Variants in NIPBL observed in about 807,000 individuals in gnomAD.
NIPBL encodes nipped-B-like protein.
In NIPBL, 19 loss-of-function variants were observed where a neutral mutation model predicts 321.8. That is an observed-to-expected ratio of 0.06 (90% confidence interval 0.04 to 0.09). The LOEUF (loss-of-function observed/expected upper bound fraction) is 0.09, where lower values mean the gene tolerates loss of function less well. NIPBL is among the 10% of genes least tolerant of loss of function. The pLI is 1.00. For missense variants in NIPBL, 2,210 were observed against 3,327.0 expected (o/e 0.66, Z 8.26); for synonymous variants, 1,106 against 1,114.1 (o/e 0.99, Z 0.14).
chr5:36,941,961 CATGT>C (rs1274626206), intron 1 of NIPBL, among the ~76,000 whole-genome samples: 1 of 151,976 alleles, frequency 6.6e-6, no homozygotes, highest in African/African-American at 2.4e-5. Flanking sequence ...GTATACTTGT[CATGT>C]AGTGCAGGGG....
chr5:36,985,284 A>G lies in NIPBL; in HGVS notation c.2104A>G (p.Thr702Ala), dbSNP rs1298170068. 1.2e-6 allele frequency: 2 copies of G among 1,613,692 alleles called. No individual in the cohort carries two copies. Among genetic ancestry groups the G allele is most frequent in the South Asian group, 2.2e-5 (2 of 91,068 alleles). Reference protein sequence around the residue: ...RSETTKSRPETPKQKGESRPE... With the variant: ...RSETTKSRPEAPKQKGESRPE... Reference sequence around the variant, plus strand: ...AGAAACAACAAAATCAAGGCCTGAAACCCCAAAGCAAAAGGGTGAAAGCCG... The same window carrying G: ...AGAAACAACAAAATCAAGGCCTGAAGCCCCAAAGCAAAAGGGTGAAAGCCG... The change falls in exon 10 of 47, where the codon ACC becomes GCC. Residue 702 changes from threonine to alanine, a missense_variant. Physicochemically the swap from Thr to Ala is moderately conservative, Grantham distance 58. Around this residue, in one of 14 missense-constraint regions of NIPBL, gnomAD observed 588 missense variants for 564.1 expected, o/e 1.04. Coordinates refer to ENST00000282516, the MANE Select transcript of NIPBL (RefSeq NM_133433.4).
rs1381059431 is a variant in NIPBL, at chr5:36,985,431, A to C, written c.2251A>C (p.Asn751His). ...ESRPETPKQK[N>H]EGRPETPKHR... ...CCGCCCTGAAACTCCAAAGCAAAAA[A>C]ATGAAGGGCGACCTGAAACACCAAA... The change falls in exon 10 of 47, where the codon AAT becomes CAT. Residue 751 changes from asparagine (N) to histidine (H), a missense_variant. By Grantham distance (68) the Asn-to-His change is moderately conservative (BLOSUM62 1). This residue lies in a region of NIPBL where 588 missense variants were observed against 564.1 expected (regional missense o/e 1.04). Transcript: ENST00000282516. 1 of 1,613,712 alleles carries C rather than the reference A, an allele frequency of 6.2e-7. No homozygotes were observed. The highest frequency in any genetic ancestry group is 1.3e-5 in the African/African-American group (1 of 75,002).
intron 1 of NIPBL, among the ~76,000 whole-genome samples, chr5:36,945,064 A>G (rs1027485095): frequency 6.6e-6 from 1 of 152,210 alleles, no homozygotes; most frequent in African/African-American, 2.4e-5. Context: ...CTTTTGCAAT[A>G]TAAAAGAAGA....
chr5:37,032,979 T>A (rs1183703484), intron 32 of NIPBL, among the ~76,000 whole-genome samples: 2 of 152,210 alleles, frequency 1.3e-5, no homozygotes, highest in African/African-American at 4.8e-5. Context: ...TTTAAAAAAA[T>A]TTTATGCACC....
At position 36,996,880 on chromosome 5, in the gene NIPBL, T is replaced by G. The variant is rs1746182642; in HGVS notation, c.3304+1076T>G. Reference sequence around the variant, plus strand: ...TGGAAGCCCTTCACCTCCTCCAAAGTTTTTAATGTTAATTTACTGATTTTT... The same window carrying G: ...TGGAAGCCCTTCACCTCCTCCAAAGGTTTTAATGTTAATTTACTGATTTTT... On this transcript the variant is annotated intron_variant, in intron 11 of 46. Coordinates refer to ENST00000282516, the MANE Select transcript of NIPBL (RefSeq NM_133433.4). The surrounding 1 kb of genome is among the most constrained non-coding windows in gnomAD (Gnocchi z 5.0). 1 of 161,982 alleles carries G rather than the reference T, an allele frequency of 6.2e-6. No individual in the cohort carries two copies. The highest frequency in any genetic ancestry group is 2.4e-5 in the African/African-American group (1 of 41,482). 10.0% of individuals were successfully genotyped at this position (161,982 alleles called of 1,614,324 possible). A position where few individuals can be genotyped will look rare whatever the true frequency, so the allele number is the denominator to read the frequency against.
chr5:36,919,369 C>T (rs1326714093), intron 1 of NIPBL, among the ~76,000 whole-genome samples: 1 of 145,922 alleles, frequency 6.9e-6, no homozygotes, highest in Non-Finnish European at 1.5e-5. Context: ...TCCTACCTCT[C>T]TTTTTTTTTT....
intron 6 of NIPBL, among the ~76,000 whole-genome samples, chr5:36,966,185 C>G (rs975996946): frequency 2.6e-5 from 4 of 152,030 alleles, no homozygotes; most frequent in African/African-American, 9.7e-5. Context: ...TCACACATTG[C>G]ATTTGATTTT....
At chr5:36,882,689 G>A (rs547586336) in intron 1 of NIPBL, among the ~76,000 whole-genome samples, 1 of 152,032 alleles carries the variant, frequency 6.6e-6, no homozygotes, top group South Asian at 2.1e-4. Flanking sequence ...CAGCTAAAAT[G>A]TATCTAATTC....
chr5:36,938,239 G>C (rs1242368198), intron 1 of NIPBL, among the ~76,000 whole-genome samples: 1 of 152,054 alleles, frequency 6.6e-6, no homozygotes, highest in Non-Finnish European at 1.5e-5. Context: ...AGGGTTGAGA[G>C]ACTGTAGTTT....
intron 42 of NIPBL, 141 bp from the exon 43 acceptor site, chr5:37,057,045 C>T (rs904061606): frequency 2.6e-6 from 2 of 768,968 alleles, no homozygotes; most frequent in East Asian, 5.4e-5. Flanking sequence ...GTGTCTCTCC[C>T]CACTCTCTCC....
intron 1 of NIPBL, among the ~76,000 whole-genome samples, chr5:36,888,930 T>C (rs1040484105): frequency 1.3e-5 from 2 of 152,158 alleles, no homozygotes; most frequent in Non-Finnish European, 2.9e-5. Context: ...TTTGCTCTAG[T>C]GCCAAGTACC....
At chr5:37,033,742 T>A (rs1265212258) in intron 32 of NIPBL, among the ~76,000 whole-genome samples, 16 of 129,532 alleles carry the variant, frequency 1.2e-4, no homozygotes, top group African/African-American at 4.9e-4. Flanking sequence ...TTTTTTTTTT[T>A]TTTTTTTTAA....
rs111562836 is a variant in NIPBL, at chr5:37,034,580, T to G, written c.5863-1799T>G. Among the ~76,000 whole-genome samples the G allele has an allele frequency of 2.6e-4, 40 of 152,280 alleles. 1 individual carries two copies. Among genetic ancestry groups the G allele is most frequent in the African/African-American group, 9.6e-4 (40 of 41,552 alleles). Reference sequence around the variant, plus strand: ...CAGCTGTATGCAGTAACCTAGATCATAGTGGCATAATGATGAGTGAAAAAA... The same window carrying G: ...CAGCTGTATGCAGTAACCTAGATCAGAGTGGCATAATGATGAGTGAAAAAA... On this transcript the variant is annotated intron_variant, in intron 32 of 46. Coordinates refer to ENST00000282516, the MANE Select transcript of NIPBL (RefSeq NM_133433.4).
intron 1 of NIPBL, among the ~76,000 whole-genome samples, chr5:36,892,827 T>C (rs1264314133): frequency 1.3e-5 from 2 of 152,002 alleles, no homozygotes; most frequent in African/African-American, 2.4e-5. Context: ...TTAGGAGATA[T>C]ACCTAATGCT....
At chr5:36,983,268 G>C (rs186914745) in intron 9 of NIPBL, among the ~76,000 whole-genome samples, 1 of 151,954 alleles carries the variant, frequency 6.6e-6, no homozygotes, top group East Asian at 1.9e-4. Context: ...TGATAGATTT[G>C]ACTGGACAAC....
intron 31 of NIPBL, 125 bp from the exon 32 acceptor site, chr5:37,027,234 T>A (rs1306632909): frequency 2.7e-6 from 2 of 746,908 alleles, no homozygotes; most frequent in African/African-American, 1.8e-5. Flanking sequence ...AAAAATAGTT[T>A]ACTTTAAAAA....
At chr5:36,951,035 T>C (rs1740228989) in intron 1 of NIPBL, among the ~76,000 whole-genome samples, 2 of 152,176 alleles carry the variant, frequency 1.3e-5, no homozygotes, top group African/African-American at 4.8e-5. Context: ...AGATCAAATA[T>C]TTTTGTCAGT....
Position 37,000,796 on chromosome 5 carries a change from ACTT to A in NIPBL, c.3503-17_3503-15del, listed in dbSNP as rs1245200365. ...TAAGTTGTCAGTCCTGCATTTCAGTACTTCTTTTTGTTCGTTTTAGTTGCTAGG... is the reference window on the plus strand; with the variant it reads ...TAAGTTGTCAGTCCTGCATTTCAGTACTTTTTGTTCGTTTTAGTTGCTAGG... On this transcript the variant is annotated intron_variant, in intron 12 of 46. Coordinates refer to ENST00000282516, the MANE Select transcript of NIPBL (RefSeq NM_133433.4). 1 of 1,581,246 alleles carries A rather than the reference ACTT, an allele frequency of 6.3e-7. No individual in the cohort carries two copies. Among genetic ancestry groups the A allele is most frequent in the Admixed American group, 1.7e-5 (1 of 59,666 alleles).
At position 37,049,393 on chromosome 5, in the gene NIPBL, G is replaced by GCC; in HGVS notation, c.6954+92_6954+93insCC. 2.2e-6 allele frequency: 3 copies of GCC among 1,357,482 alleles called. No homozygotes were observed. In the East Asian group the frequency reaches 6.9e-5, roughly 31 times the overall value. The allele number at this position is 1,357,482 out of a possible 1,614,324, so 84.1% of individuals were successfully genotyped here. On this transcript the variant is annotated intron_variant, in intron 40 of 46. Transcript: ENST00000282516. ...GATTATAGAGAATAAGTAGTTCTTC[G>GCC]TTCCTCTTACTCTTCTTTGTACTAA...
Sources: allele counts gnomAD v4.1 joint callset (sites outside exome capture counted in the v4.1 genomes callset), GRCh38; gene constraint gnomAD v4.1.1; regional missense constraint gnomAD v4.1.1; non-coding constraint Gnocchi (gnomAD v3.1); transcripts MANE v1.5; gene names NCBI Gene and HGNC (gene_info 2026-07-23, HGNC 2026-07-21).